The following RALYL variants were observed in gnomAD, a reference collection of about 807,000 sequenced individuals.
The protein encoded by RALYL is RNA-binding Raly-like protein.
In RALYL, 29 loss-of-function variants were observed where a neutral mutation model predicts 35.1. The observed-to-expected ratio is 0.83, with a 90% CI of 0.61 to 1.13. The LOEUF is 1.13. Among genes scored for constraint, RALYL ranks in the 50% most tolerant of loss-of-function variants. The probability of loss-of-function intolerance (pLI) is 0.00; values close to 1 mark genes in which losing one functional copy is unlikely to be tolerated. For synonymous variants in RALYL, 120 were observed against 127.6 expected, an observed-to-expected ratio of 0.94 and a Z score of 0.40; for missense variants, 359 against 360.4, an observed-to-expected ratio of 1.00 and a Z score of 0.03.
At chr8:84,909,334 G>C (rs1172546572) in intron 8 of RALYL, among the ~76,000 whole-genome samples, 1 of 152,094 alleles carries the variant, frequency 6.6e-6, no homozygotes, top group African/African-American at 2.4e-5. Context: ...GCCTGTTATT[G>C]CCTTTCAAAG....
At chr8:84,439,568 A>G (rs772465084) in intron 1 of RALYL, among the ~76,000 whole-genome samples, 4 of 152,116 alleles carry the variant, frequency 2.6e-5, no homozygotes, top group East Asian at 1.9e-4. Context: ...AATAAGCTAC[A>G]TGCATCATCT....
intron 2 of RALYL, among the ~76,000 whole-genome samples, chr8:84,551,338 G>A (rs2060707241): frequency 6.6e-6 from 1 of 152,026 alleles, no homozygotes; most frequent in African/African-American, 2.4e-5. Context: ...ATTGTTTCTG[G>A]TTTGAAGATG....
chr8:84,867,929 G>A (rs1839469990), intron 6 of RALYL, among the ~76,000 whole-genome samples: 1 of 152,174 alleles, frequency 6.6e-6, no homozygotes, highest in South Asian at 2.1e-4. Context: ...GGGCAGGGGG[G>A]ACCAGAAAAT....
At chr8:84,344,845 T>C (rs1313420366) in intron 1 of RALYL, among the ~76,000 whole-genome samples, 1 of 152,078 alleles carries the variant, frequency 6.6e-6, no homozygotes, top group Non-Finnish European at 1.5e-5. Context: ...TCTTCCAGGT[T>C]CATTCATGTT....
intron 2 of RALYL, among the ~76,000 whole-genome samples, chr8:84,772,631 T>C (rs1302289962): frequency 6.6e-6 from 1 of 152,148 alleles, no homozygotes. Context: ...TTTATACATA[T>C]GATTGTTGTA....
intron 5 of RALYL, among the ~76,000 whole-genome samples, chr8:84,850,245 T>C (rs1418458267): frequency 6.6e-6 from 1 of 152,182 alleles, no homozygotes; most frequent in East Asian, 1.9e-4. Context: ...TTGGAGGTGC[T>C]CAAACCTAAG....
At chr8:84,248,158 A>G (rs1213438567) in intron 1 of RALYL, among the ~76,000 whole-genome samples, 1 of 152,136 alleles carries the variant, frequency 6.6e-6, no homozygotes, top group Non-Finnish European at 1.5e-5. Context: ...ACCAATTTAT[A>G]TGCTTGGTAC....
intron 1 of RALYL, among the ~76,000 whole-genome samples, chr8:84,414,222 C>G (rs1439063111): frequency 6.6e-6 from 1 of 152,032 alleles, no homozygotes; most frequent in Non-Finnish European, 1.5e-5. Flanking sequence ...ATAAATTACT[C>G]TATCAATAAT....
intron 1 of RALYL, among the ~76,000 whole-genome samples, chr8:84,469,217 C>T (rs566830378): frequency 1.3e-5 from 2 of 152,168 alleles, no homozygotes; most frequent in African/African-American, 4.8e-5. Flanking sequence ...AGGAGAGGCT[C>T]TCTGCTTTTT....
Position 84,850,034 on chromosome 8 carries a change from G to T in RALYL, c.413+7G>T. Reference sequence around the variant, plus strand: ...GAGATGATTTCTACAATCGGTATGTGAATTTTTCATCCTTGTTTTCCTATG... The same window carrying T: ...GAGATGATTTCTACAATCGGTATGTTAATTTTTCATCCTTGTTTTCCTATG... On this transcript the variant is annotated splice_region_variant and intron_variant, in intron 5 of 8. Transcript: ENST00000521268. 6.9e-7 allele frequency: 1 copy of T among 1,445,432 alleles called. No individual in the cohort carries two copies. The highest frequency in any genetic ancestry group is 9.2e-7 in the Non-Finnish European group (1 of 1,082,706). The allele number at this position is 1,445,432 out of a possible 1,614,324, so 89.5% of individuals were successfully genotyped here. A position where few individuals can be genotyped will look rare whatever the true frequency, so the allele number is the denominator to read the frequency against.
chr8:84,555,949 G>A (rs1588155441), intron 2 of RALYL, among the ~76,000 whole-genome samples: 1 of 152,308 alleles, frequency 6.6e-6, no homozygotes, highest in Non-Finnish European at 1.5e-5. Context: ...TTTTGCAATA[G>A]AGTCATAAAC....
At chr8:84,526,858 G>A (rs2058939287) in intron 1 of RALYL, among the ~76,000 whole-genome samples, 1 of 152,142 alleles carries the variant, frequency 6.6e-6, no homozygotes, top group African/African-American at 2.4e-5. Context: ...TTCTTTCTCA[G>A]ATGTAATGGC....
chr8:84,574,218 C>G (rs1231414285), intron 2 of RALYL, among the ~76,000 whole-genome samples: 2 of 151,992 alleles, frequency 1.3e-5, no homozygotes, highest in Non-Finnish European at 2.9e-5. Context: ...TATGACTCTT[C>G]TAATGTCTTT....
chr8:84,325,265 C>T (rs5009137), intron 1 of RALYL, among the ~76,000 whole-genome samples: 7,205 of 152,178 alleles, frequency 0.047, 264 homozygotes, highest in African/African-American at 0.083. Context: ...CGTTCAGTTG[C>T]AGTTGTTCTC....
intron 3 of RALYL, among the ~76,000 whole-genome samples, chr8:84,777,644 GTTTTA>G (rs1479397387): frequency 6.6e-6 from 1 of 152,004 alleles, no homozygotes. Flanking sequence ...GTTTTGTTTT[GTTTTA>G]TTTTGCTTTT....
At chr8:84,483,413 CCT>C (rs1341955515) in intron 1 of RALYL, among the ~76,000 whole-genome samples, 1 of 152,020 alleles carries the variant, frequency 6.6e-6, no homozygotes, top group African/African-American at 2.4e-5. Flanking sequence ...TTACTGAAAG[CCT>C]CTGAGTACTT....
chr8:84,760,714 T>C (rs1812477163), intron 2 of RALYL, among the ~76,000 whole-genome samples: 1 of 152,166 alleles, frequency 6.6e-6, no homozygotes, highest in Non-Finnish European at 1.5e-5. Context: ...GTAAATCTCA[T>C]GAATGAAAAG....
chr8:84,253,388 G>T (rs1364751797), intron 1 of RALYL, among the ~76,000 whole-genome samples: 1 of 147,142 alleles, frequency 6.8e-6, no homozygotes, highest in African/African-American at 2.5e-5. Context: ...TTTTAGTAGA[G>T]ATGGGTTTTC....
intron 1 of RALYL, among the ~76,000 whole-genome samples, chr8:84,467,270 G>A (rs2051837701): frequency 6.6e-6 from 1 of 151,776 alleles, no homozygotes; most frequent in South Asian, 2.1e-4. Flanking sequence ...GCTTTCTCTT[G>A]TGGGCATTTA....
Sources: allele counts gnomAD v4.1 joint callset (sites outside exome capture counted in the v4.1 genomes callset), GRCh38; gene constraint gnomAD v4.1.1; transcripts MANE v1.5; gene names NCBI Gene and HGNC (gene_info 2026-07-23, HGNC 2026-07-21).